KHDRBS2: variants seen among roughly 807,000 people sequenced by gnomAD.
The protein encoded by KHDRBS2 is KH domain-containing, RNA-binding, signal transduction-associated protein 2.
KHDRBS2 carries 26 observed loss-of-function variants against 44.3 expected under a neutral mutation model. The ratio of observed to expected loss-of-function variants is 0.59; its 90% CI spans 0.43 to 0.81. KHDRBS2 has a LOEUF of 0.81. Ranked by LOEUF, KHDRBS2 falls within the 40% of genes least tolerant of loss-of-function variation. The pLI, the probability that KHDRBS2 is intolerant of heterozygous loss-of-function variation, is 0.00. For missense variants in KHDRBS2, 476 were observed against 433.1 expected (o/e 1.10, Z -0.88); for synonymous variants, 194 against 151.1 (o/e 1.28, Z -2.08).
intron 6 of KHDRBS2, among the ~76,000 whole-genome samples, chr6:61,742,449 A>G (rs1776274487): frequency 6.6e-6 from 1 of 152,028 alleles, no homozygotes; most frequent in Non-Finnish European, 1.5e-5. Flanking sequence ...ATGCTTGTGT[A>G]TTCTCTTGAC....
chr6:61,629,645 T>C, the KHDRBS2 span, among the ~76,000 whole-genome samples: 2 of 152,144 alleles, frequency 1.3e-5, no homozygotes, highest in Admixed American at 1.3e-4. Flanking sequence ...TCTGCAGCAT[T>C]AGGTCTATAT....
chr6:61,589,932 C>T, the KHDRBS2 span, among the ~76,000 whole-genome samples: 5 of 152,056 alleles, frequency 3.3e-5, no homozygotes, highest in African/African-American at 1.2e-4. Flanking sequence ...TTCAAATTCC[C>T]AAATGATCAA....
intron 4 of KHDRBS2, among the ~76,000 whole-genome samples, chr6:61,928,807 T>A (rs79149528): frequency 0.067 from 10,248 of 152,152 alleles, 411 homozygotes; most frequent in Middle Eastern, 0.13. Flanking sequence ...TTATGATATA[T>A]CCCATATTTA....
intron 1 of KHDRBS2, among the ~76,000 whole-genome samples, chr6:62,246,109 T>G (rs1835515218): frequency 2.2e-5 from 2 of 90,854 alleles, no homozygotes; most frequent in South Asian, 7.9e-4. Flanking sequence ...ATTTTATATA[T>G]ATATATATAT....
the KHDRBS2 span, among the ~76,000 whole-genome samples, chr6:61,643,036 G>C: frequency 6.6e-6 from 1 of 152,236 alleles, no homozygotes; most frequent in Non-Finnish European, 1.5e-5. Context: ...TTAAAAGAGA[G>C]CTTGAGTGTG....
chr6:61,809,465 A>C (rs1787755390), intron 6 of KHDRBS2, among the ~76,000 whole-genome samples: 1 of 152,148 alleles, frequency 6.6e-6, no homozygotes, highest in Non-Finnish European at 1.5e-5. Flanking sequence ...TAGCTATTGT[A>C]ATATCTGAGC....
intron 2 of KHDRBS2, among the ~76,000 whole-genome samples, chr6:62,146,458 T>C (rs963281449): frequency 1.4e-5 from 2 of 140,710 alleles, no homozygotes; most frequent in Non-Finnish European, 3.2e-5. Flanking sequence ...ACTTTATACA[T>C]GGATTTTAAA....
chr6:61,561,387 C>T, the KHDRBS2 span, among the ~76,000 whole-genome samples: 1 of 152,160 alleles, frequency 6.6e-6, no homozygotes, highest in Admixed American at 6.5e-5. Flanking sequence ...CCTGTGTTCT[C>T]TTAAAGCCCT....
At chr6:62,201,486 A>G (rs1405883189) in intron 1 of KHDRBS2, among the ~76,000 whole-genome samples, 1 of 152,160 alleles carries the variant, frequency 6.6e-6, no homozygotes, top group East Asian at 1.9e-4. Context: ...CCTAGCATAT[A>G]AATAGGAGAC....
chr6:61,545,353 A>G, the KHDRBS2 span, among the ~76,000 whole-genome samples: 2 of 152,012 alleles, frequency 1.3e-5, no homozygotes, highest in Non-Finnish European at 2.9e-5. Context: ...CTTTCCCAAG[A>G]TAGATTTAGT....
chr6:61,976,019 A>G (rs1287745267), intron 4 of KHDRBS2, among the ~76,000 whole-genome samples: 1 of 152,188 alleles, frequency 6.6e-6, no homozygotes, highest in Non-Finnish European at 1.5e-5. Flanking sequence ...AGTGCAATGA[A>G]TAAGAAGTTA....
At position 62,036,210 on chromosome 6, in the gene KHDRBS2, C is replaced by T. The variant is rs542479559; in HGVS notation, c.336+11668G>A. On this transcript the variant is annotated intron_variant, in intron 3 of 8. Coordinates refer to ENST00000281156, the MANE Select transcript of KHDRBS2 (RefSeq NM_152688.4). ...ACCCTGAGTACAGGGTGCACATCAT[C>T]TGTGGCAAACAGAAGAGAGGACGGA... is the stretch of plus-strand genomic sequence containing the variant. Among the ~76,000 whole-genome samples the T allele has an allele frequency of 2.6e-5, 4 of 152,004 alleles. No individual in the cohort carries two copies. The South Asian group carries it at 8.3e-4, about 32-fold the overall frequency.
At chr6:61,891,741 G>A (rs551794739) in intron 6 of KHDRBS2, among the ~76,000 whole-genome samples, 10 of 152,158 alleles carry the variant, frequency 6.6e-5, no homozygotes, top group African/African-American at 2.4e-4. Context: ...GGTATTGATG[G>A]GATATATCTC....
At chr6:61,664,145 CT>C in the KHDRBS2 span, among the ~76,000 whole-genome samples, 1 of 151,720 alleles carries the variant, frequency 6.6e-6, no homozygotes, top group Non-Finnish European at 1.5e-5. Context: ...GATCTTTCTA[CT>C]TTTCTTATAT....
intron 1 of KHDRBS2, among the ~76,000 whole-genome samples, chr6:62,203,105 G>A (rs1827306694): frequency 6.6e-6 from 1 of 152,104 alleles, no homozygotes. Context: ...TGCAGTAGAA[G>A]GAGCCAGGGG....
the KHDRBS2 span, among the ~76,000 whole-genome samples, chr6:61,640,608 A>G: frequency 6.6e-6 from 1 of 152,098 alleles, no homozygotes; most frequent in Admixed American, 6.6e-5. Flanking sequence ...TGTCTGGCTT[A>G]AGAAGGTTGG....
intron 2 of KHDRBS2, among the ~76,000 whole-genome samples, chr6:62,130,591 T>A (rs993912457): frequency 6.6e-6 from 1 of 151,986 alleles, no homozygotes; most frequent in Non-Finnish European, 1.5e-5. Context: ...TATTGATGAT[T>A]TATATGTTAA....
intron 7 of KHDRBS2, among the ~76,000 whole-genome samples, chr6:61,720,000 T>C (rs975772797): frequency 3.9e-5 from 6 of 152,034 alleles, no homozygotes; most frequent in African/African-American, 1.4e-4. Flanking sequence ...CATTGTTCAA[T>C]TCCCACCTAT....
chr6:61,848,912 A>C (rs1033816267), intron 6 of KHDRBS2, among the ~76,000 whole-genome samples: 10 of 151,984 alleles, frequency 6.6e-5, no homozygotes, highest in Non-Finnish European at 5.9e-5. Flanking sequence ...ACTTTACATA[A>C]ACTTGAATTT....
Sources: allele counts gnomAD v4.1 joint callset (sites outside exome capture counted in the v4.1 genomes callset), GRCh38; gene constraint gnomAD v4.1.1; transcripts MANE v1.5; gene names NCBI Gene and HGNC (gene_info 2026-07-23, HGNC 2026-07-21).